The following RAB3IL1 variants were observed in gnomAD, a reference collection of about 807,000 sequenced individuals.
RAB3IL1 encodes guanine nucleotide exchange factor for Rab-3A.
In RAB3IL1, 37 loss-of-function variants were observed where a neutral mutation model predicts 49.2. That is an observed-to-expected ratio of 0.75 (90% confidence interval 0.58 to 0.99). RAB3IL1 has a LOEUF of 0.99. Among genes scored for constraint, RAB3IL1 ranks in the 50% least tolerant of loss-of-function variants. RAB3IL1 has a pLI of 0.00. For synonymous variants in RAB3IL1, 193 were observed against 213.9 expected (o/e 0.90, Z 0.85); for missense variants, 484 against 513.0 (o/e 0.94, Z 0.55).
chr11:61,920,463 C>T (rs984442373), upstream of RAB3IL1, among the ~76,000 whole-genome samples: 5 of 152,108 alleles, frequency 3.3e-5, no homozygotes, highest in African/African-American at 4.8e-5. Context: ...AGGGGAGGCC[C>T]CGTGTTTCAG....
the RAB3IL1 span, among the ~76,000 whole-genome samples, chr11:61,942,203 C>T: frequency 4.6e-5 from 7 of 152,314 alleles, no homozygotes; most frequent in Non-Finnish European, 8.8e-5. Flanking sequence ...AAGAGCAAAA[C>T]TCCGTCTCAA....
At chr11:61,937,039 G>A in the RAB3IL1 span, among the ~76,000 whole-genome samples, 4 of 151,780 alleles carry the variant, frequency 2.6e-5, no homozygotes, top group African/African-American at 9.7e-5. Context: ...TAAATACATA[G>A]GTAAATATAC....
chr11:61,934,583 C>T, the RAB3IL1 span, among the ~76,000 whole-genome samples: 1 of 149,740 alleles, frequency 6.7e-6, no homozygotes, highest in East Asian at 2.0e-4. Flanking sequence ...AAAGCTCCTA[C>T]ATAGTCCAGG....
At position 61,899,686 on chromosome 11, in the gene RAB3IL1, C is replaced by G. The variant is rs1194662776; in HGVS notation, c.1000-306G>C. 5 of 362,342 alleles carry G rather than the reference C, an allele frequency of 1.4e-5. No homozygotes were observed. In the South Asian group the frequency reaches 1.6e-4, roughly 12 times the overall value. 22.4% of individuals were successfully genotyped at this position (362,342 alleles called of 1,614,324 possible). ...CGGGGAAAGCCGCTGACATCCATCA[C>G]GGAGATGGCGGAGCTAATGAACCAG... On this transcript the variant is annotated intron_variant, in intron 8 of 9. Coordinates refer to ENST00000394836, the MANE Select transcript of RAB3IL1 (RefSeq NM_013401.4).
At chr11:61,930,596 T>A in the RAB3IL1 span, among the ~76,000 whole-genome samples, 2 of 152,144 alleles carry the variant, frequency 1.3e-5, no homozygotes, top group African/African-American at 4.8e-5. Flanking sequence ...CTGGGCAACA[T>A]GGGGAGACCC....
chr11:61,914,973 G>C (rs1939614401), intron 1 of RAB3IL1, among the ~76,000 whole-genome samples: 1 of 152,124 alleles, frequency 6.6e-6, no homozygotes, highest in Non-Finnish European at 1.5e-5. Context: ...TGGGGTCTGG[G>C]TGAGCTCCTA....
intron 1 of RAB3IL1, among the ~76,000 whole-genome samples, chr11:61,914,818 C>A (rs1315331456): frequency 6.6e-6 from 1 of 152,160 alleles, no homozygotes; most frequent in Non-Finnish European, 1.5e-5. Context: ...CATCACTGGC[C>A]CCGCTGGGGT....
chr11:61,945,314 A>G, the RAB3IL1 span, among the ~76,000 whole-genome samples: 1 of 152,164 alleles, frequency 6.6e-6, no homozygotes, highest in Non-Finnish European at 1.5e-5. Flanking sequence ...AGTGGTCAAG[A>G]TGGGGAGAAC....
At position 61,906,688 on chromosome 11, in the gene RAB3IL1, C is replaced by T. The variant is rs771400117; in HGVS notation, c.439-4G>A. The T allele has an allele frequency of 9.4e-6, 15 of 1,603,850 alleles. No individual in the cohort carries two copies. Among genetic ancestry groups the T allele is most frequent in the Admixed American group, 5.1e-5 (3 of 58,722 alleles). ...CCTCTGCCTGCAGCATGTCGATCTG[C>T]ATGGGATGGGATGGCTGTCAACCCT... On this transcript the variant is annotated splice_polypyrimidine_tract_variant and splice_region_variant and intron_variant, in intron 4 of 9. Coordinates refer to ENST00000394836, the MANE Select transcript of RAB3IL1 (RefSeq NM_013401.4). The surrounding 1 kb of genome is among the most constrained non-coding windows in gnomAD (Gnocchi z 4.6).
Position 61,917,450 on chromosome 11 carries a change from C to A in RAB3IL1, c.-83G>T. 1 of 1,173,456 alleles carries A rather than the reference C, an allele frequency of 8.5e-7. No individual in the cohort carries two copies. Among genetic ancestry groups the A allele is most frequent in the Non-Finnish European group, 1.1e-6 (1 of 951,912 alleles). 72.7% of individuals were successfully genotyped at this position (1,173,456 alleles called of 1,614,324 possible). A position where few individuals can be genotyped will look rare whatever the true frequency, so the allele number is the denominator to read the frequency against. ...CCGCGTCCCCGCCCGCCGCCGACTC[C>A]GCCAGGGGCCGAGCCGCCCCACCGC... On this transcript the variant is annotated 5_prime_UTR_variant, in exon 1 of 10. Coordinates refer to ENST00000394836, the MANE Select transcript of RAB3IL1 (RefSeq NM_013401.4).
intron 1 of RAB3IL1, among the ~76,000 whole-genome samples, chr11:61,913,257 G>C (rs540560878): frequency 1.3e-5 from 2 of 152,298 alleles, no homozygotes; most frequent in South Asian, 4.1e-4. Context: ...GGGGATGAAA[G>C]AGATCGTCAT....
chr11:61,940,617 T>A, the RAB3IL1 span, among the ~76,000 whole-genome samples: 1 of 151,870 alleles, frequency 6.6e-6, no homozygotes, highest in Non-Finnish European at 1.5e-5. Context: ...TGAGACCCTA[T>A]CTCTACAAAA....
the RAB3IL1 span, among the ~76,000 whole-genome samples, chr11:61,939,756 G>C: frequency 1.3e-5 from 2 of 152,054 alleles, no homozygotes; most frequent in African/African-American, 4.8e-5. Context: ...TTCAAGACCG[G>C]CTTGGGCAAC....
chr11:61,924,031 G>A (rs1052826758), upstream of RAB3IL1, among the ~76,000 whole-genome samples: 2 of 152,314 alleles, frequency 1.3e-5, no homozygotes, highest in East Asian at 1.9e-4. Context: ...ACCTGGTGAA[G>A]CCAGGCCCCG....
chr11:61,907,360 G>C (rs375308079), intron 4 of RAB3IL1, 33 bp downstream of exon 4: 93 of 1,607,602 alleles, frequency 5.8e-5, no homozygotes, highest in Non-Finnish European at 7.1e-5. Context: ...GGGGGTGCCT[G>C]GGCTGGCCTG....
At chr11:61,930,408 C>G in the RAB3IL1 span, among the ~76,000 whole-genome samples, 17 of 152,262 alleles carry the variant, frequency 1.1e-4, no homozygotes, top group African/African-American at 4.1e-4. Context: ...CATATTTGAC[C>G]ACCTAAGCAT....
chr11:61,904,361 C>A (rs571119685), intron 7 of RAB3IL1, among the ~76,000 whole-genome samples, 185 bp downstream of exon 7: 1 of 152,120 alleles, frequency 6.6e-6, no homozygotes, highest in Non-Finnish European at 1.5e-5. Context: ...CCCTAGCTCC[C>A]GGCCTCTCTG....
At chr11:61,922,037 G>A (rs916207552), upstream of RAB3IL1, among the ~76,000 whole-genome samples, 14 of 151,308 alleles carry the variant, frequency 9.3e-5, no homozygotes, top group Admixed American at 2.0e-4. Flanking sequence ...AAAAAAACCC[G>A]TCTCTACTAA....
the RAB3IL1 span, among the ~76,000 whole-genome samples, chr11:61,944,422 C>T: frequency 6.6e-6 from 1 of 151,958 alleles, no homozygotes; most frequent in Non-Finnish European, 1.5e-5. Flanking sequence ...TATGTGTGAG[C>T]CACTGCACCA....
Sources: allele counts gnomAD v4.1 joint callset (sites outside exome capture counted in the v4.1 genomes callset), GRCh38; gene constraint gnomAD v4.1.1; non-coding constraint Gnocchi (gnomAD v3.1); transcripts MANE v1.5; gene names NCBI Gene and HGNC (gene_info 2026-07-23, HGNC 2026-07-21).